NPEPPS: variants seen among roughly 807,000 people sequenced by gnomAD.
NPEPPS encodes the protein aminopeptidase puromycin sensitive.
A neutral mutation model predicts 115.5 loss-of-function variants in NPEPPS; 14 were observed. The ratio of observed to expected loss-of-function variants is 0.12; its 90% CI spans 0.08 to 0.19. NPEPPS has a LOEUF of 0.19. Ranked by LOEUF, NPEPPS falls within the 10% of genes least tolerant of loss-of-function variation. The pLI, the probability that NPEPPS is intolerant of heterozygous loss-of-function variation, is 1.00. For missense variants in NPEPPS, 523 were observed against 1,110.8 expected, an observed-to-expected ratio of 0.47 and a Z score of 7.52; for synonymous variants, 285 against 390.6, an observed-to-expected ratio of 0.73 and a Z score of 3.19.
intron 1 of NPEPPS, among the ~76,000 whole-genome samples, chr17:47,542,662 T>C (rs1597817129): frequency 6.6e-6 from 1 of 151,982 alleles, no homozygotes; most frequent in Non-Finnish European, 1.5e-5. Flanking sequence ...TTTTAAGGGG[T>C]TGTGCACAGC....
chr17:47,554,287 C>G (rs1164158769), intron 2 of NPEPPS, among the ~76,000 whole-genome samples: 1 of 152,082 alleles, frequency 6.6e-6, no homozygotes, highest in East Asian at 1.9e-4. Flanking sequence ...TGATCTTCCC[C>G]CCTCAGCCTC....
intron 3 of NPEPPS, among the ~76,000 whole-genome samples, chr17:47,574,860 C>T (rs914959199): frequency 1.3e-5 from 2 of 152,070 alleles, no homozygotes; most frequent in African/African-American, 4.8e-5. Context: ...AGGATCTTGC[C>T]ATCCTCCCAA....
chr17:47,614,376 G>A (rs190607245), intron 19 of NPEPPS, among the ~76,000 whole-genome samples: 13 of 152,248 alleles, frequency 8.5e-5, no homozygotes, highest in Admixed American at 8.5e-4. Flanking sequence ...TAAGCAAAAC[G>A]TTTGTTTCTG....
rs200455983 is a variant in NPEPPS, at chr17:47,538,377, G to GA, written c.255+6822_255+6823insA. Among the ~76,000 whole-genome samples, 717 of 149,806 alleles carry GA rather than the reference G, an allele frequency of 4.8e-3. 15 individuals carry two copies. Among genetic ancestry groups the GA allele is most frequent in the Admixed American group, 0.027 (407 of 14,884 alleles). ...TTACAGGTGCATGCCACCACACCTGGCTAATTTTTGTATTTTTCTAGAGAC... is the reference window on the plus strand; with the variant it reads ...TTACAGGTGCATGCCACCACACCTGGACTAATTTTTGTATTTTTCTAGAGAC... On this transcript the variant is annotated intron_variant, in intron 1 of 22. Transcript: ENST00000322157.
At chr17:47,532,570 T>A (rs1907887390) in intron 1 of NPEPPS, among the ~76,000 whole-genome samples, 1 of 150,466 alleles carries the variant, frequency 6.6e-6, no homozygotes, top group Non-Finnish European at 1.5e-5. Flanking sequence ...GGAGAATCAC[T>A]TGAACCCGGG....
At chr17:47,593,814 G>A (rs1418540832) in intron 12 of NPEPPS, among the ~76,000 whole-genome samples, 2 of 152,140 alleles carry the variant, frequency 1.3e-5, no homozygotes, top group Non-Finnish European at 2.9e-5. Flanking sequence ...AATGGTATTT[G>A]TATACCTGAA....
chr17:47,543,483 A>ATTTT (rs1244034572), intron 1 of NPEPPS, among the ~76,000 whole-genome samples: 18 of 118,118 alleles, frequency 1.5e-4, no homozygotes, highest in South Asian at 2.7e-4. Context: ...GGCCTGGCTA[A>ATTTT]TTTTTTTTTT....
At chr17:47,567,086 C>T (rs1306576059) in intron 2 of NPEPPS, among the ~76,000 whole-genome samples, 3 of 152,020 alleles carry the variant, frequency 2.0e-5, no homozygotes. Flanking sequence ...TCTCAAAAAA[C>T]AAAACAAAAC....
intron 1 of NPEPPS, 106 bp from the exon 2 acceptor site, chr17:47,545,803 T>TC (rs1194217709): frequency 6.8e-7 from 1 of 1,476,834 alleles, no homozygotes; most frequent in African/African-American, 1.4e-5. Flanking sequence ...TTGCTTGGCC[T>TC]CCCAAAGTGC....
intron 2 of NPEPPS, among the ~76,000 whole-genome samples, chr17:47,553,990 T>A (rs1331781673): frequency 6.6e-6 from 1 of 151,716 alleles, no homozygotes; most frequent in Non-Finnish European, 1.5e-5. Flanking sequence ...GACCTCGTGA[T>A]CTGCCCGCCT....
intron 15 of NPEPPS, chr17:47,603,424 A>C (rs72831610): frequency 0.025 from 3,779 of 152,354 alleles, 64 homozygotes; most frequent in Non-Finnish European, 0.04. Context: ...AAAGAAAAAA[A>C]AGAATAATGC....
At chr17:47,619,385 C>A (rs970964863) in intron 21 of NPEPPS, 1 of 549,528 alleles carries the variant, frequency 1.8e-6, no homozygotes, top group Non-Finnish European at 3.3e-6. Flanking sequence ...GAAATCCTGT[C>A]CCTACTAAAA....
chr17:47,586,613 C>T lies in NPEPPS; in HGVS notation c.980+215C>T, dbSNP rs569604831. On this transcript the variant is annotated intron_variant, in intron 8 of 22. Coordinates refer to ENST00000322157, the MANE Select transcript of NPEPPS (RefSeq NM_006310.4). ...GTAAGATTTTAAAGTGAGCATCTGG[C>T]GGTAGTAGCATTTTTAGATATATTC... is the stretch of plus-strand genomic sequence containing the variant. 19 of 604,810 alleles carry T rather than the reference C, an allele frequency of 3.1e-5. No homozygotes were observed. In the Admixed American group the frequency reaches 3.4e-4, roughly 11 times the overall value. 37.5% of individuals were successfully genotyped at this position (604,810 alleles called of 1,614,324 possible).
At chr17:47,621,130 A>AGAG (rs1567876128) in intron 22 of NPEPPS, among the ~76,000 whole-genome samples, 1 of 147,690 alleles carries the variant, frequency 6.8e-6, no homozygotes. Context: ...GTGATGAGCC[A>AGAG]TGATCGTTTC....
intron 3 of NPEPPS, among the ~76,000 whole-genome samples, chr17:47,575,890 G>C (rs1911492560): frequency 1.3e-5 from 2 of 151,890 alleles, no homozygotes. Context: ...TTACAGGTGT[G>C]AGCCACCACG....
chr17:47,566,198 T>C (rs1910801283), intron 2 of NPEPPS, among the ~76,000 whole-genome samples: 1 of 152,136 alleles, frequency 6.6e-6, no homozygotes, highest in African/African-American at 2.4e-5. Flanking sequence ...AGGTTGATTT[T>C]GAACTCCTGG....
At chr17:47,566,267 C>G (rs965366886) in intron 2 of NPEPPS, among the ~76,000 whole-genome samples, 1 of 152,146 alleles carries the variant, frequency 6.6e-6, no homozygotes, top group African/African-American at 2.4e-5. Flanking sequence ...GCAAGAGCCA[C>G]CATGCCTGGC....
intron 1 of NPEPPS, 62 bp from the exon 2 acceptor site, chr17:47,545,847 A>G: frequency 1.4e-6 from 2 of 1,471,642 alleles, no homozygotes. Context: ...ACACCTGGCC[A>G]AGTTGTATAT....
intron 9 of NPEPPS, among the ~76,000 whole-genome samples, chr17:47,589,914 A>G (rs557015252): frequency 1.3e-5 from 2 of 152,010 alleles, no homozygotes; most frequent in Non-Finnish European, 2.9e-5. Flanking sequence ...ATCCTTTACT[A>G]TACTAAATTC....
Sources: allele counts gnomAD v4.1 joint callset (sites outside exome capture counted in the v4.1 genomes callset), GRCh38; gene constraint gnomAD v4.1.1; transcripts MANE v1.5; gene names NCBI Gene and HGNC (gene_info 2026-07-23, HGNC 2026-07-21).